Variants in PRKG1 observed in about 807,000 individuals in gnomAD.
PRKG1 encodes protein kinase cGMP-dependent 1.
In PRKG1, 35 loss-of-function variants were observed where a neutral mutation model predicts 88.1. The observed-to-expected ratio is 0.40, with a 90% CI of 0.30 to 0.53. The LOEUF (loss-of-function observed/expected upper bound fraction) is 0.53. Among genes scored for constraint, PRKG1 ranks in the 20% least tolerant of loss-of-function variants. The pLI is 0.59. For missense variants in PRKG1, 540 were observed against 839.8 expected, an observed-to-expected ratio of 0.64 and a Z score of 4.41; for synonymous variants, 303 against 292.5, an observed-to-expected ratio of 1.04 and a Z score of -0.37.
At chr10:51,649,840 G>A (rs946280925) in intron 3 of PRKG1, among the ~76,000 whole-genome samples, 9 of 152,180 alleles carry the variant, frequency 5.9e-5, no homozygotes, top group African/African-American at 1.9e-4. Flanking sequence ...GTGGTAGCCC[G>A]CAATCAGTCT....
chr10:51,927,365 G>C (rs993565936), intron 5 of PRKG1, among the ~76,000 whole-genome samples: 4 of 152,120 alleles, frequency 2.6e-5, no homozygotes, highest in African/African-American at 9.7e-5. Context: ...TGACTGTGAG[G>C]CCTCTCCAGC....
At chr10:51,262,705 T>TA (rs1279879977) in intron 2 of PRKG1, among the ~76,000 whole-genome samples, 2 of 152,054 alleles carry the variant, frequency 1.3e-5, no homozygotes, top group East Asian at 1.9e-4. Flanking sequence ...TCCGGAAACT[T>TA]ACGATCATGG....
At chr10:51,237,852 C>T (rs1047920715) in intron 2 of PRKG1, among the ~76,000 whole-genome samples, 2 of 152,030 alleles carry the variant, frequency 1.3e-5, no homozygotes, top group Admixed American at 1.3e-4. Context: ...TGATCCCTGA[C>T]AAGTTGAAGT....
chr10:51,839,984 T>G (rs1271727166), intron 4 of PRKG1, among the ~76,000 whole-genome samples: 1 of 152,200 alleles, frequency 6.6e-6, no homozygotes, highest in Non-Finnish European at 1.5e-5. Flanking sequence ...GACAGCCCTG[T>G]TTTCCTCCCA....
chr10:51,868,826 TA>T (rs1383827953), intron 4 of PRKG1, among the ~76,000 whole-genome samples: 2 of 152,170 alleles, frequency 1.3e-5, no homozygotes, highest in Non-Finnish European at 2.9e-5. Flanking sequence ...ACATGAACCT[TA>T]AGGTGTGAAT....
At chr10:51,025,103 C>T (rs1365649632) in intron 1 of PRKG1, among the ~76,000 whole-genome samples, 1 of 152,170 alleles carries the variant, frequency 6.6e-6, no homozygotes, top group Non-Finnish European at 1.5e-5. Flanking sequence ...AAACTTGCTC[C>T]ATAGACTTGT....
chr10:52,032,259 CTGTT>C (rs1310305443), intron 5 of PRKG1, among the ~76,000 whole-genome samples: 1 of 152,112 alleles, frequency 6.6e-6, no homozygotes, highest in East Asian at 1.9e-4. Context: ...CTAAGGAAAA[CTGTT>C]TGTAAGATTA....
At chr10:51,848,783 A>G (rs372388071) in intron 4 of PRKG1, among the ~76,000 whole-genome samples, 10 of 151,582 alleles carry the variant, frequency 6.6e-5, no homozygotes, top group East Asian at 3.9e-4. Flanking sequence ...CTGGGATTAC[A>G]GGTACAAGCC....
chr10:51,654,762 G>A (rs953038407), intron 3 of PRKG1, among the ~76,000 whole-genome samples: 9 of 151,586 alleles, frequency 5.9e-5, no homozygotes, highest in African/African-American at 1.9e-4. Flanking sequence ...ACTCAGATTT[G>A]GATAATTCCA....
intron 7 of PRKG1, chr10:52,081,562 C>A (rs1846776021): frequency 4.4e-6 from 2 of 455,580 alleles, no homozygotes; most frequent in South Asian, 3.1e-5. Flanking sequence ...AATCATAATT[C>A]ATTCAATACT....
chr10:52,282,355 C>T, intron 14 of PRKG1, 39 bp downstream of exon 14: 2 of 1,536,256 alleles, frequency 1.3e-6, no homozygotes, highest in Middle Eastern at 1.7e-4. Flanking sequence ...AAAAATAGAC[C>T]AGCATGCAGC....
At position 52,157,245 on chromosome 10, in the gene PRKG1, A is replaced by G. The variant is rs148381553; in HGVS notation, c.1002-4644A>G. 2.3e-3 allele frequency among the ~76,000 whole-genome samples: 342 copies of G among 146,956 alleles called. 2 individuals carry two copies. Among genetic ancestry groups the G allele is most frequent in the African/African-American group, 7.3e-3 (297 of 40,474 alleles). On this transcript the variant is annotated intron_variant, in intron 8 of 17. Coordinates refer to ENST00000373980, the MANE Select transcript of PRKG1 (RefSeq NM_006258.4). ...ACCAAGTATATATATATATACATGC[A>G]CATATATATGTTGTGTATATATACA...
intron 3 of PRKG1, among the ~76,000 whole-genome samples, chr10:51,719,731 G>T (rs1589230125): frequency 6.6e-6 from 1 of 152,284 alleles, no homozygotes; most frequent in East Asian, 1.9e-4. Flanking sequence ...TGGTAACATT[G>T]GGAAAGCTGG....
chr10:51,139,314 T>C (rs1010241629), intron 1 of PRKG1, among the ~76,000 whole-genome samples: 7 of 152,214 alleles, frequency 4.6e-5, no homozygotes, highest in Admixed American at 6.5e-5. Flanking sequence ...TAACAAATCA[T>C]TGGATGACCT....
chr10:52,081,177 T>G (rs1345068304), intron 7 of PRKG1, among the ~76,000 whole-genome samples: 1 of 152,146 alleles, frequency 6.6e-6, no homozygotes, highest in African/African-American at 2.4e-5. Flanking sequence ...TTGTAAAATG[T>G]GTGTTGAATA....
intron 7 of PRKG1, chr10:52,125,938 G>A (rs1284850483): frequency 6.6e-6 from 1 of 152,162 alleles, no homozygotes; most frequent in Non-Finnish European, 1.5e-5. Context: ...GCTACTAAGT[G>A]GCTAATGGTT....
In PRKG1 at chr10:51,503,603, G is replaced by A. The variant is rs111985797; in HGVS notation, c.592+35767G>A. On this transcript the variant is annotated intron_variant, in intron 3 of 17. Coordinates refer to ENST00000373980, the MANE Select transcript of PRKG1 (RefSeq NM_006258.4). The stretch of plus-strand genomic sequence containing the variant: ...CCAGCCTTTGAATCATCAAATTCTG[G>A]GCCTTTGCCTACATGTAACTGTTGT... Among the ~76,000 whole-genome samples, 1,285 of 152,194 alleles carry A rather than the reference G, an allele frequency of 8.4e-3. 11 individuals are homozygous for A. The highest frequency in any genetic ancestry group is 0.029 in the African/African-American group (1,213 of 41,538).
intron 3 of PRKG1, chr10:51,568,898 ATTG>A (rs1837676653): frequency 6.6e-6 from 1 of 152,046 alleles, no homozygotes; most frequent in Non-Finnish European, 1.5e-5. Context: ...TAGAACCAAT[ATTG>A]TTGTAGTAAG....
chr10:51,222,317 C>T lies in PRKG1; in HGVS notation c.478+68987C>T, dbSNP rs149934324. Among the ~76,000 whole-genome samples, 22 of 152,152 alleles carry T rather than the reference C, an allele frequency of 1.4e-4. No homozygotes were observed. The East Asian group carries it at 3.5e-3, about 24-fold the overall frequency. Reference sequence around the variant, plus strand: ...GGGTTTTGTTGAGGAAAGCAGTCTGCCTCATTTTCTTTTTCCACAGACCTA... The same window carrying T: ...GGGTTTTGTTGAGGAAAGCAGTCTGTCTCATTTTCTTTTTCCACAGACCTA... On this transcript the variant is annotated intron_variant, in intron 2 of 17. Transcript: ENST00000373980.
Sources: allele counts gnomAD v4.1 joint callset (sites outside exome capture counted in the v4.1 genomes callset), GRCh38; gene constraint gnomAD v4.1.1; transcripts MANE v1.5; gene names NCBI Gene and HGNC (gene_info 2026-07-23, HGNC 2026-07-21).